Variants in GNAO1 observed in about 807,000 individuals in gnomAD.
GNAO1 encodes G protein subunit alpha o1, also known as guanine nucleotide-binding protein G(o) subunit alpha.
For missense variants in GNAO1, 166 were observed against 478.7 expected, an observed-to-expected ratio of 0.35 and a Z score of 6.10; for synonymous variants, 164 against 180.7, an observed-to-expected ratio of 0.91 and a Z score of 0.74.
intron 3 of GNAO1, among the ~76,000 whole-genome samples, chr16:56,280,108 G>A (rs373658711): frequency 3.3e-5 from 5 of 152,234 alleles, no homozygotes; most frequent in Non-Finnish European, 5.9e-5. Context: ...ACTAAGCCAC[G>A]TGTGAAGATT....
chr16:56,289,264 C>T (rs529390775), intron 3 of GNAO1, among the ~76,000 whole-genome samples: 1 of 152,304 alleles, frequency 6.6e-6, no homozygotes, highest in Non-Finnish European at 1.5e-5. Context: ...ATCAGCCTGT[C>T]ACTGAGAATG....
rs193192356 is a variant in GNAO1 at position 56,211,746 on chromosome 16, C to T, written c.161+19130C>T. On this transcript the variant is annotated intron_variant, in intron 2 of 8. Coordinates refer to ENST00000262493, the MANE Select transcript of GNAO1 (RefSeq NM_020988.3). The stretch of plus-strand genomic sequence containing the variant: ...CAGTGGCCTAGAGAGAATTTATGGT[C>T]GCAGTGCTTCCCAGCACCCCCTCCC... 1.8e-4 allele frequency among the ~76,000 whole-genome samples: 28 copies of T among 152,298 alleles called. No individual in the cohort carries two copies. The East Asian group carries it at 4.6e-3, about 25-fold the overall frequency.
chr16:56,344,925 C>T (rs2143686664), intron 6 of GNAO1: 7 of 985,216 alleles, frequency 7.1e-6, no homozygotes, highest in Non-Finnish European at 7.2e-6. Context: ...TCCGCCTCAC[C>T]GTCTTGGTGA....
intron 2 of GNAO1, among the ~76,000 whole-genome samples, chr16:56,237,925 T>C (rs903120753): frequency 7.2e-5 from 11 of 152,206 alleles, no homozygotes; most frequent in Non-Finnish European, 1.5e-4. Context: ...TTGTATAGTC[T>C]CATCTGTGGG....
chr16:56,282,957 G>T (rs370413890), intron 3 of GNAO1, among the ~76,000 whole-genome samples: 3 of 152,116 alleles, frequency 2.0e-5, no homozygotes, highest in African/African-American at 7.2e-5. Context: ...AAAGACCGGC[G>T]ATCAGTGTTC....
intron 2 of GNAO1, among the ~76,000 whole-genome samples, chr16:56,211,044 T>C (rs1214812630): frequency 2.0e-5 from 3 of 152,226 alleles, no homozygotes; most frequent in Non-Finnish European, 4.4e-5. Context: ...GTGATCTGAC[T>C]AGGTTCCTAT....
chr16:56,257,182 G>T lies in GNAO1; in HGVS notation c.162-18749G>T, dbSNP rs2045921. On this transcript the variant is annotated intron_variant, in intron 2 of 8. Transcript: ENST00000262493. ...CTGAAAGGGGACTGGGTTTGGGGGGGGGAAATTAGAAGTTCAGTTAGGAGC... is the reference window on the plus strand; with the variant it reads ...CTGAAAGGGGACTGGGTTTGGGGGGTGGAAATTAGAAGTTCAGTTAGGAGC... 6.2e-3 allele frequency among the ~76,000 whole-genome samples: 943 copies of T among 152,134 alleles called. 9 individuals carry two copies. The highest frequency in any genetic ancestry group is 0.023 in the East Asian group (117 of 5,168).
chr16:56,238,179 C>CCTGCTG (rs2036659279), intron 2 of GNAO1, among the ~76,000 whole-genome samples: 1 of 147,132 alleles, frequency 6.8e-6, no homozygotes, highest in Non-Finnish European at 1.5e-5. Flanking sequence ...TGATATCTAG[C>CCTGCTG]CACAAGAGGA....
rs138878854 is a variant in GNAO1, at chr16:56,270,286, G to A, written c.162-5645G>A. 2.6e-5 allele frequency: 4 copies of A among 152,360 alleles called. No individual in the cohort carries two copies. The East Asian group carries it at 7.7e-4, about 29-fold the overall frequency. 9.4% of individuals were successfully genotyped at this position (152,360 alleles called of 1,614,324 possible). A position where few individuals can be genotyped will look rare whatever the true frequency, so the allele number is the denominator to read the frequency against. On this transcript the variant is annotated intron_variant, in intron 2 of 8. Transcript: ENST00000262493. ...GTTCAGACCTCCTGTTCCTTATGGT[G>A]CTTCTGGTTTGGTGGCCTGGAACAC...
At chr16:56,297,001 T>A (rs1188375969) in intron 3 of GNAO1, among the ~76,000 whole-genome samples, 2 of 152,066 alleles carry the variant, frequency 1.3e-5, no homozygotes, top group Non-Finnish European at 2.9e-5. Flanking sequence ...GCCCTTTGGG[T>A]GTTAAAGGTT....
intron 6 of GNAO1, among the ~76,000 whole-genome samples, chr16:56,338,355 G>C (rs2037763065): frequency 6.6e-6 from 1 of 152,208 alleles, no homozygotes; most frequent in South Asian, 2.1e-4. Flanking sequence ...TGCTGAGTGG[G>C]GCAAGGGTGG....
At chr16:56,232,861 CTCT>C (rs1442961730) in intron 2 of GNAO1, among the ~76,000 whole-genome samples, 6 of 152,188 alleles carry the variant, frequency 3.9e-5, no homozygotes, top group African/African-American at 1.4e-4. Flanking sequence ...ACGAAGACAT[CTCT>C]TCTTCTTTAT....
chr16:56,300,328 T>C (rs185950856), intron 3 of GNAO1, among the ~76,000 whole-genome samples: 1 of 152,248 alleles, frequency 6.6e-6, no homozygotes, highest in Admixed American at 6.5e-5. Context: ...GGTCAGGCGG[T>C]ACAGAGAATT....
rs138127664 is a variant in GNAO1 at position 56,349,907 on chromosome 16, C to T, written c.724-1477C>T. ...GAGCCCGCCATGCTGCTGTTAGTAT[C>T]GATTCCTCGAAAGCCCCACAGCCTG... is the stretch of plus-strand genomic sequence containing the variant. On this transcript the variant is annotated intron_variant, in intron 6 of 8. Coordinates refer to ENST00000262493, the MANE Select transcript of GNAO1 (RefSeq NM_020988.3). 3.3e-5 allele frequency among the ~76,000 whole-genome samples: 5 copies of T among 152,308 alleles called. No individual in the cohort carries two copies. In the East Asian group the frequency reaches 7.7e-4, roughly 24 times the overall value.
At chr16:56,355,209 A>ATG (rs1337820574) in intron 8 of GNAO1, 128 bp downstream of exon 8, 1 of 195,212 alleles carries the variant, frequency 5.1e-6, no homozygotes. Flanking sequence ...ACAAAACCTT[A>ATG]TATATATATA....
At chr16:56,192,488 C>A in intron 1 of GNAO1, 86 bp from the exon 2 acceptor site, 1 of 894,246 alleles carries the variant, frequency 1.1e-6, no homozygotes, top group South Asian at 1.3e-5. Context: ...GGATCGCCCA[C>A]CCCCTCGCAT....
At chr16:56,323,790 G>C (rs2037601541) in intron 3 of GNAO1, among the ~76,000 whole-genome samples, 1 of 152,202 alleles carries the variant, frequency 6.6e-6, no homozygotes, top group South Asian at 2.1e-4. Context: ...TCTGTGTGGG[G>C]AGCAGGCTGA....
intron 2 of GNAO1, among the ~76,000 whole-genome samples, chr16:56,234,080 A>G (rs2036614977): frequency 1.3e-5 from 2 of 152,134 alleles, no homozygotes; most frequent in African/African-American, 4.8e-5. Context: ...TTGGCAGTGT[A>G]TTCACCCAAA....
chr16:56,205,563 C>T (rs1476470110), intron 2 of GNAO1, among the ~76,000 whole-genome samples: 1 of 152,196 alleles, frequency 6.6e-6, no homozygotes, highest in South Asian at 2.1e-4. Context: ...ACTCTTAATT[C>T]CCCATGTGCT....
Sources: gnomAD v4.1 joint callset for allele counts (sites outside exome capture counted in the v4.1 genomes callset) on GRCh38, gnomAD v4.1.1 for gene constraint, MANE v1.5 for transcripts, NCBI Gene and HGNC (gene_info 2026-07-23, HGNC 2026-07-21) for gene names.